Variants in PKHD1 observed in about 807,000 individuals in gnomAD.
The protein encoded by PKHD1 is PKHD1 ciliary IPT domain containing fibrocystin/polyductin, also known as fibrocystin.
A neutral mutation model predicts 412.0 loss-of-function variants in PKHD1; 291 were observed. The observed-to-expected ratio is 0.71, with a 90% CI of 0.64 to 0.78. The LOEUF (loss-of-function observed/expected upper bound fraction) is 0.78. Ranked by LOEUF, PKHD1 falls within the 30% of genes least tolerant of loss-of-function variation. The pLI is 0.00. For synonymous variants in PKHD1, 1,777 were observed against 1,821.5 expected (o/e 0.98, Z 0.62); for missense variants, 4,825 against 4,950.7 (o/e 0.97, Z 0.76).
At chr6:51,773,721 C>A (rs1790529258) in intron 54 of PKHD1, among the ~76,000 whole-genome samples, 1 of 150,236 alleles carries the variant, frequency 6.7e-6, no homozygotes, top group Admixed American at 6.7e-5. Flanking sequence ...CATCAGAAAA[C>A]ATAGAAATAA....
intron 61 of PKHD1, among the ~76,000 whole-genome samples, chr6:51,654,861 C>T (rs1029613159): frequency 1.3e-5 from 2 of 152,054 alleles, no homozygotes; most frequent in African/African-American, 4.8e-5. Flanking sequence ...GAACAGTCTA[C>T]ATTATTTCCC....
At position 51,617,572 on chromosome 6, in the gene PKHD1, C is replaced by G. The variant is rs1756090705; in HGVS notation, c.*1509G>C. Reference sequence around the variant, plus strand: ...TGGAGAGCACTGACCTTAACATCTACTTATATTTTCTTCCAAATCCAACAC... The same window carrying G: ...TGGAGAGCACTGACCTTAACATCTAGTTATATTTTCTTCCAAATCCAACAC... On this transcript the variant is annotated 3_prime_UTR_variant, in exon 67 of 67. Coordinates refer to ENST00000371117, the MANE Select transcript of PKHD1 (RefSeq NM_138694.4). The G allele has an allele frequency of 6.6e-6, 1 of 152,194 alleles. No individual in the cohort carries two copies. Among genetic ancestry groups the G allele is most frequent in the Admixed American group, 6.5e-5 (1 of 15,272 alleles). The allele number at this position is 152,194 out of a possible 1,614,324, so 9.4% of individuals were successfully genotyped here.
chr6:51,993,346 T>G (rs1797273064), intron 35 of PKHD1, among the ~76,000 whole-genome samples: 1 of 152,252 alleles, frequency 6.6e-6, no homozygotes. Context: ...AGTGTCACTG[T>G]TCCTGACGTC....
intron 44 of PKHD1, 128 bp from the exon 45 acceptor site, chr6:51,886,100 T>TC: frequency 1.4e-6 from 1 of 714,494 alleles, no homozygotes; most frequent in Non-Finnish European, 2.5e-6. Context: ...TCTGTGACCC[T>TC]CCCCCTAACT....
intron 52 of PKHD1, among the ~76,000 whole-genome samples, chr6:51,808,658 C>T (rs549031590): frequency 2.0e-5 from 3 of 152,032 alleles, no homozygotes; most frequent in African/African-American, 7.2e-5. Context: ...TTTGACCTGG[C>T]TTTGACTTCC....
intron 7 of PKHD1, among the ~76,000 whole-genome samples, chr6:52,072,677 C>T (rs1810804915): frequency 6.6e-6 from 1 of 152,104 alleles, no homozygotes. Flanking sequence ...ATCATATTCT[C>T]TTCAACTAGG....
At chr6:52,032,879 T>A in intron 29 of PKHD1, 151 bp downstream of exon 29, 5 of 713,140 alleles carry the variant, frequency 7.0e-6, no homozygotes, top group Non-Finnish European at 1.2e-5. Context: ...GGAGATTGAT[T>A]CGATGATGGC....
At chr6:51,745,374 G>A (rs909318116) in intron 59 of PKHD1, among the ~76,000 whole-genome samples, 3 of 152,126 alleles carry the variant, frequency 2.0e-5, no homozygotes, top group Non-Finnish European at 2.9e-5. Context: ...GCTTGAGGAT[G>A]AAGAGAGTAC....
Position 51,747,949 on chromosome 6 carries a change from A to G in PKHD1, c.9667T>C (p.Ser3223Pro), listed in dbSNP as rs1364801105. 1.1e-5 allele frequency: 18 copies of G among 1,613,926 alleles called. No individual in the cohort carries two copies. Among genetic ancestry groups the G allele is most frequent in the Non-Finnish European group, 1.5e-5 (18 of 1,179,986 alleles). The change falls in exon 58 of 67, where the codon TCA becomes CCA. Residue 3223 changes from serine (S) to proline (P), a missense_variant. Ser to Pro is a moderately conservative substitution (Grantham distance 74). Coordinates refer to ENST00000371117, the MANE Select transcript of PKHD1 (RefSeq NM_138694.4). ...DCIQDKVKPH[S>P]ANLTSTDRAP... Reference sequence around the variant, plus strand: ...CTATCTGTTGATGTCAAGTTGGCTGAGTGCGGCTTCACTTTGTCCTGAATG... The same window carrying G: ...CTATCTGTTGATGTCAAGTTGGCTGGGTGCGGCTTCACTTTGTCCTGAATG...
chr6:51,887,049 C>T (rs1778319711), intron 44 of PKHD1, 84 bp downstream of exon 44: 3 of 886,518 alleles, frequency 3.4e-6, no homozygotes, highest in Non-Finnish European at 5.7e-6. Flanking sequence ...AACAAATGCC[C>T]AAAGTGCTCT....
At chr6:51,777,796 A>G (rs931567514) in intron 53 of PKHD1, among the ~76,000 whole-genome samples, 12 of 151,978 alleles carry the variant, frequency 7.9e-5, no homozygotes, top group Non-Finnish European at 1.8e-4. Context: ...GTCCCACAAA[A>G]AGAGTTCAGC....
chr6:51,842,704 A>G (rs1179310005), intron 50 of PKHD1, among the ~76,000 whole-genome samples: 1 of 152,168 alleles, frequency 6.6e-6, no homozygotes, highest in African/African-American at 2.4e-5. Flanking sequence ...TATTGTGATG[A>G]AGACCTCCTC....
At chr6:51,924,351 T>G (rs1419591412) in intron 37 of PKHD1, among the ~76,000 whole-genome samples, 1 of 152,064 alleles carries the variant, frequency 6.6e-6, no homozygotes, top group African/African-American at 2.4e-5. Context: ...TACTGAAGCA[T>G]GAGGGTGGCC....
At chr6:51,807,458 A>AT (rs1554254098) in intron 52 of PKHD1, among the ~76,000 whole-genome samples, 1,553 of 49,654 alleles carry the variant, frequency 0.031, 91 homozygotes, top group African/African-American at 0.076. Context: ...AAAAAAAAAA[A>AT]ATATATATAT....
chr6:51,683,389 C>A (rs1239137004), intron 60 of PKHD1, among the ~76,000 whole-genome samples: 3 of 151,958 alleles, frequency 2.0e-5, no homozygotes, highest in African/African-American at 7.2e-5. Context: ...AACTTTGAGG[C>A]AAAGTAGTGG....
intron 37 of PKHD1, among the ~76,000 whole-genome samples, chr6:51,931,257 A>G (rs564684170): frequency 6.6e-6 from 1 of 152,304 alleles, no homozygotes; most frequent in South Asian, 2.1e-4. Flanking sequence ...TCTGTGCGCC[A>G]AAGTTGGTGA....
chr6:51,645,585 C>T (rs1426417073), intron 63 of PKHD1, among the ~76,000 whole-genome samples: 3 of 151,806 alleles, frequency 2.0e-5, no homozygotes, highest in African/African-American at 7.3e-5. Flanking sequence ...GTAGAGACGG[C>T]GTTTCACCAT....
chr6:51,748,914 G>C (rs906197728), intron 57 of PKHD1, among the ~76,000 whole-genome samples: 6 of 152,180 alleles, frequency 3.9e-5, no homozygotes, highest in African/African-American at 1.4e-4. Context: ...GATGAGAGGA[G>C]AAATAGGAAA....
chr6:51,645,670 G>C (rs1318606086), intron 63 of PKHD1, among the ~76,000 whole-genome samples: 4 of 152,204 alleles, frequency 2.6e-5, no homozygotes, highest in Non-Finnish European at 5.9e-5. Context: ...CTGGATTACA[G>C]GCACGAACCG....
Sources: allele counts gnomAD v4.1 joint callset (sites outside exome capture counted in the v4.1 genomes callset), GRCh38; gene constraint gnomAD v4.1.1; transcripts MANE v1.5; gene names NCBI Gene and HGNC (gene_info 2026-07-23, HGNC 2026-07-21).